The following KRT84 variants were observed in gnomAD, a reference collection of about 807,000 sequenced individuals.
KRT84 encodes keratin, type II cuticular Hb4.
KRT84 carries 38 observed loss-of-function variants against 49.0 expected under a neutral mutation model. That is an observed-to-expected ratio of 0.78 (90% CI 0.60 to 1.02). The LOEUF (loss-of-function observed/expected upper bound fraction) is 1.02, where lower values mean the gene tolerates loss of function less well. KRT84 is among the 50% of genes least tolerant of loss of function. The pLI is 0.00. For missense variants in KRT84, 860 were observed against 788.6 expected (o/e 1.09, Z -1.08); for synonymous variants, 334 against 312.8 (o/e 1.07, Z -0.72).
chr12:52,378,306 C>A lies in KRT84; in HGVS notation c.1531G>T (p.Gly511Trp). Residue 511 changes from glycine to tryptophan, a missense_variant, in exon 9 of 9, where the codon GGG becomes TGG. Gly to Trp is a radical substitution (Grantham distance 184). Coordinates refer to ENST00000257951, the MANE Select transcript of KRT84 (RefSeq NM_033045.4). The stretch of plus-strand genomic sequence containing the variant: ...CTGCTGCTACCTGAGAAGGTGACCC[C>A]GCCGCGGGAGAGGGTGGAGCCGGCA... Reference protein sequence around the residue: ...LVAGSTLSRGGVTFSGSSSVC... With the variant: ...LVAGSTLSRGWVTFSGSSSVC... 5.2e-6 allele frequency: 8 copies of A among 1,539,268 alleles called. No individual in the cohort carries two copies. The highest frequency in any genetic ancestry group is 2.5e-5 in the East Asian group (1 of 40,424).
chr12:52,381,129 G>A lies in KRT84; in HGVS notation c.1154C>T (p.Thr385Ile), dbSNP rs773118684. 3.1e-6 allele frequency: 5 copies of A among 1,613,984 alleles called. No individual in the cohort carries two copies. Among genetic ancestry groups the A allele is most frequent in the Non-Finnish European group, 4.2e-6 (5 of 1,180,030 alleles). Residue 385 changes from threonine to isoleucine, a missense_variant, in exon 6 of 9, where the codon ACC becomes ATC. Physicochemically the swap from Thr to Ile is moderately conservative, Grantham distance 89. Coordinates refer to ENST00000257951, the MANE Select transcript of KRT84 (RefSeq NM_033045.4). Reference sequence around the variant, plus strand: ...TGCCTTAAGCCTCTGGATCAGGCGGGTCAGTTCGTTGATCTCGTTCCGTAT... The same window carrying A: ...TGCCTTAAGCCTCTGGATCAGGCGGATCAGTTCGTTGATCTCGTTCCGTAT... The part of the protein sequence containing the change: ...RNIRNEINEL[T>I]RLIQRLKAEI...
chr12:52,378,266 C>T lies in KRT84; in HGVS notation c.1571G>A (p.Ser524Asn). 1.3e-6 allele frequency: 2 copies of T among 1,554,702 alleles called. No homozygotes were observed. Among genetic ancestry groups the T allele is most frequent in the Non-Finnish European group, 1.7e-6 (2 of 1,151,076 alleles). Residue 524 changes from serine to asparagine, a missense_variant, in exon 9 of 9, where the codon AGT becomes AAT. Ser to Asn is a conservative substitution (Grantham distance 46). Transcript: ENST00000257951. Reference protein sequence around the residue: ...FSGSSSVCATSGVLASCGPSL... With the variant: ...FSGSSSVCATNGVLASCGPSL... ...GGGGCCACAGGAAGCCAGGACCCCACTGGTGGCACAGACGCTGCTGCTACC... is the reference window on the plus strand; with the variant it reads ...GGGGCCACAGGAAGCCAGGACCCCATTGGTGGCACAGACGCTGCTGCTACC...
chr12:52,385,893 T>A (rs2658656), upstream of KRT84, among the ~76,000 whole-genome samples: 48,476 of 151,952 alleles, frequency 0.32, 9,684 homozygotes, highest in African/African-American at 0.57. Context: ...TTATAGTCTT[T>A]TTTTTCCCTA....
At chr12:52,381,877 G>A (rs765422544) in intron 4 of KRT84, among the ~76,000 whole-genome samples, 18 of 152,186 alleles carry the variant, frequency 1.2e-4, no homozygotes, top group South Asian at 6.2e-4. Flanking sequence ...GTCACAGACC[G>A]TTGAGACCTG....
intron 8 of KRT84, 68 bp downstream of exon 8, chr12:52,379,808 T>A (rs1443511545): frequency 1.5e-6 from 2 of 1,357,046 alleles, no homozygotes; most frequent in East Asian, 2.3e-5. Flanking sequence ...GACCCCAGTG[T>A]GAGCCTGAGT....
intron 1 of KRT84, 117 bp downstream of exon 1, chr12:52,384,923 G>T: frequency 9.1e-7 from 1 of 1,101,722 alleles, no homozygotes; most frequent in Non-Finnish European, 1.3e-6. Context: ...GCACTTGAAA[G>T]ATCTGAGGTC....
At position 52,383,670 on chromosome 12, in the gene KRT84, C is replaced by T. The variant is rs1302824626; in HGVS notation, c.675G>A (p.Leu225=). The T allele has an allele frequency of 6.2e-7, 1 of 1,614,090 alleles. No homozygotes were observed. The highest frequency in any genetic ancestry group is 1.3e-5 in the African/African-American group (1 of 74,942). ...GGGCCTGATCACTGACCAGCACCTCCAACTGCCTCCGCAGGTTGGTGATGT... is the reference window on the plus strand; with the variant it reads ...GGGCCTGATCACTGACCAGCACCTCTAACTGCCTCCGCAGGTTGGTGATGT... ...ESYITNLRRQ[L]EVLVSDQARL... is the part of the protein sequence containing the mutation. Residue 225 remains leucine (L), a synonymous_variant, in exon 2 of 9, where the codon TTG becomes TTA. Transcript: ENST00000257951.
At chr12:52,384,509 G>A (rs1460611404) in intron 1 of KRT84, among the ~76,000 whole-genome samples, 3 of 152,144 alleles carry the variant, frequency 2.0e-5, no homozygotes, top group African/African-American at 4.8e-5. Flanking sequence ...CAACTTGGCC[G>A]AATTTTGATA....
intron 3 of KRT84, 29 bp from the exon 4 acceptor site, chr12:52,382,561 C>T (rs775532251): frequency 1.9e-6 from 3 of 1,562,166 alleles, no homozygotes; most frequent in Non-Finnish European, 2.6e-6. Flanking sequence ...GATAAATACT[C>T]ATCGCCTGGG....
In KRT84 at chr12:52,378,802, C is replaced by T. The variant is rs370178720; in HGVS notation, c.1457-422G>A. Among the ~76,000 whole-genome samples the T allele has an allele frequency of 1.2e-3, 176 of 152,304 alleles. 2 individuals carry two copies. The highest frequency in any genetic ancestry group is 4.2e-3 in the African/African-American group (174 of 41,564). On this transcript the variant is annotated intron_variant, in intron 8 of 8. Transcript: ENST00000257951. ...CCCCTTGGTGGTCTCCATATTTCCCCTAGCCCAGCACACAGGAAACCCCTC... is the reference window on the plus strand; with the variant it reads ...CCCCTTGGTGGTCTCCATATTTCCCTTAGCCCAGCACACAGGAAACCCCTC...
At position 52,378,229 on chromosome 12, in the gene KRT84, T is replaced by A; in HGVS notation, c.1608A>T (p.Gly536=). 6.4e-7 allele frequency: 1 copy of A among 1,566,882 alleles called. No homozygotes were observed. The highest frequency in any genetic ancestry group is 8.6e-7 in the Non-Finnish European group (1 of 1,157,300). Residue 536 remains glycine (G), a synonymous_variant, in exon 9 of 9, where the codon GGA becomes GGT. Transcript: ENST00000257951. ...CCCCAGTGGCCGGGGCGACCCGGGC[T>A]CCACCCAGGCTGGGGCCACAGGAAG... ...VLASCGPSLG[G]ARVAPATGDL... is the part of the protein sequence containing the mutation.
chr12:52,383,936 TA>T (rs1442349750), intron 1 of KRT84, 138 bp from the exon 2 acceptor site: 5 of 692,360 alleles, frequency 7.2e-6, no homozygotes, highest in Non-Finnish European at 1.2e-5. Context: ...ATTCCTCCAC[TA>T]ACTCAGCAGA....
intron 1 of KRT84, 107 bp downstream of exon 1, chr12:52,384,933 C>A: frequency 8.3e-7 from 1 of 1,201,708 alleles, no homozygotes; most frequent in African/African-American, 1.5e-5. Context: ...GATCTGAGGT[C>A]AAGGTCAAGT....
At chr12:52,378,531 G>A (rs1051741805) in intron 8 of KRT84, 151 bp from the exon 9 acceptor site, 9 of 521,214 alleles carry the variant, frequency 1.7e-5, no homozygotes, top group African/African-American at 1.6e-4. Context: ...TATACAGTCA[G>A]TATACACTTT....
At chr12:52,379,819 T>C in intron 8 of KRT84, 57 bp downstream of exon 8, 1 of 1,460,428 alleles carries the variant, frequency 6.8e-7, no homozygotes. Context: ...GAGCCTGAGT[T>C]TAAAGGAAGT....
intron 4 of KRT84, 49 bp from the exon 5 acceptor site, chr12:52,381,574 A>G: frequency 6.3e-7 from 1 of 1,583,228 alleles, no homozygotes; most frequent in South Asian, 1.2e-5. Context: ...CTCATTTAGT[A>G]GCTGGGACTC....
chr12:52,386,358 C>T (rs757422263), upstream of KRT84, among the ~76,000 whole-genome samples: 1 of 150,886 alleles, frequency 6.6e-6, no homozygotes, highest in Non-Finnish European at 1.5e-5. Flanking sequence ...AAGACAGTCT[C>T]TATCTTCATG....
In KRT84 at chr12:52,384,203, G is replaced by T. The variant is rs578128541; in HGVS notation, c.547-405C>A. Among the ~76,000 whole-genome samples, 20 of 152,312 alleles carry T rather than the reference G, an allele frequency of 1.3e-4. No individual in the cohort carries two copies. The South Asian group carries it at 4.1e-3, about 32-fold the overall frequency. On this transcript the variant is annotated intron_variant, in intron 1 of 8. Coordinates refer to ENST00000257951, the MANE Select transcript of KRT84 (RefSeq NM_033045.4). ...ACATTTGGGGTGGGATATGGTACTG[G>T]GAGGTAGGAATTCTCAGATTGTAAG...
intron 1 of KRT84, among the ~76,000 whole-genome samples, chr12:52,384,751 A>T (rs1210930256): frequency 6.6e-6 from 1 of 152,158 alleles, no homozygotes; most frequent in Non-Finnish European, 1.5e-5. Context: ...CAGATGCAAC[A>T]TCTTAGTTTG....
Sources: allele counts gnomAD v4.1 joint callset (sites outside exome capture counted in the v4.1 genomes callset), GRCh38; gene constraint gnomAD v4.1.1; transcripts MANE v1.5; gene names NCBI Gene and HGNC (gene_info 2026-07-23, HGNC 2026-07-21).